KLHL7: variants seen among roughly 807,000 people sequenced by gnomAD.
KLHL7 encodes the protein kelch-like protein 7.
In KLHL7, 44 loss-of-function variants were observed where a neutral mutation model predicts 67.4. The ratio of observed to expected loss-of-function variants is 0.65; its 90% CI spans 0.51 to 0.84. KLHL7 has a LOEUF of 0.84. KLHL7 is among the 40% of genes least tolerant of loss of function. The probability of loss-of-function intolerance (pLI) is 0.00; values close to 1 mark genes in which losing one functional copy is unlikely to be tolerated. For synonymous variants in KLHL7, 252 were observed against 243.3 expected (o/e 1.04, Z -0.33); for missense variants, 362 against 718.1 (o/e 0.50, Z 5.67).
chr7:23,135,273 A>G (rs1035609552), intron 4 of KLHL7, among the ~76,000 whole-genome samples: 12 of 152,112 alleles, frequency 7.9e-5, no homozygotes, highest in African/African-American at 2.7e-4. Flanking sequence ...ATCTAGTTTT[A>G]TTCCATTGTG....
chr7:23,175,051 T>C lies in KLHL7; in HGVS notation c.*753T>C, dbSNP rs1187089638. On this transcript the variant is annotated 3_prime_UTR_variant, in exon 11 of 11. Coordinates refer to ENST00000339077, the MANE Select transcript of KLHL7 (RefSeq NM_001031710.3). ...GTCCTCACTGTTAAATAAAACCCAA[T>C]CATAGTAAGTGATTAACTAGCAAAA... 2.2e-6 allele frequency: 1 copy of C among 453,420 alleles called. No individual in the cohort carries two copies. The highest frequency in any genetic ancestry group is 2.0e-5 in the African/African-American group (1 of 49,970). 28.1% of individuals were successfully genotyped at this position (453,420 alleles called of 1,614,324 possible). A position where few individuals can be genotyped will look rare whatever the true frequency, so the allele number is the denominator to read the frequency against.
At chr7:23,117,081 C>CTTTTTTTTTTTTTTTTTTTT (rs34692665) in intron 1 of KLHL7, among the ~76,000 whole-genome samples, 5 of 68,226 alleles carry the variant, frequency 7.3e-5, no homozygotes, top group East Asian at 4.2e-4. Context: ...AGAGCCAGGC[C>CTTTTTTTTTTTTTTTTTTTT]TTTTTTTTTT....
rs148422679 is a variant in KLHL7, at chr7:23,144,555, T to C, written c.793+530T>C. The stretch of plus-strand genomic sequence containing the variant: ...TGCCTTGTAGAACCTTTCTTCTGCC[T>C]ATTCCAATATGAACTGTTTGCTCTC... On this transcript the variant is annotated intron_variant, in intron 6 of 10. Coordinates refer to ENST00000339077, the MANE Select transcript of KLHL7 (RefSeq NM_001031710.3). Among the ~76,000 whole-genome samples the C allele has an allele frequency of 6.9e-3, 1,054 of 152,360 alleles. 50 individuals carry two copies. The highest frequency in any genetic ancestry group is 0.066 in the Admixed American group (1,015 of 15,304).
chr7:23,173,941 A>G (rs2128470585), intron 10 of KLHL7, 74 bp from the exon 11 acceptor site: 2 of 1,449,424 alleles, frequency 1.4e-6, no homozygotes, highest in East Asian at 2.3e-5. Context: ...AAAAATACAA[A>G]AAGTTATTAC....
At chr7:23,161,606 C>T (rs1484446503) in intron 7 of KLHL7, among the ~76,000 whole-genome samples, 1 of 152,214 alleles carries the variant, frequency 6.6e-6, no homozygotes. Context: ...ACCCCAGGAA[C>T]TGCCGGCTGG....
chr7:23,135,278 A>G lies in KLHL7; in HGVS notation c.443-5491A>G, dbSNP rs1327368532. Among the ~76,000 whole-genome samples the G allele has an allele frequency of 2.0e-5, 3 of 152,142 alleles. No individual in the cohort carries two copies. The East Asian group carries it at 5.8e-4, about 29-fold the overall frequency. ...TGTTATTAATATCTAGTTTTATTCC[A>G]TTGTGGTCAGGGGAGATGCTTGATA... On this transcript the variant is annotated intron_variant, in intron 4 of 10. Transcript: ENST00000339077.
At chr7:23,162,679 T>C (rs6461699) in intron 7 of KLHL7, among the ~76,000 whole-genome samples, 141,510 of 152,274 alleles carry the variant, frequency 0.93, 65,889 homozygotes, top group East Asian at 0.99. Flanking sequence ...TCTCATGAAA[T>C]TACTTCTAGG....
intron 3 of KLHL7, 32 bp from the exon 4 acceptor site, chr7:23,125,016 G>A (rs758094788): frequency 1.9e-6 from 3 of 1,587,502 alleles, no homozygotes; most frequent in Admixed American, 3.3e-5. Context: ...AAAAATCATG[G>A]GTAACTAATA....
intron 7 of KLHL7, among the ~76,000 whole-genome samples, chr7:23,162,388 T>A (rs1784877217): frequency 6.6e-6 from 1 of 152,238 alleles, no homozygotes; most frequent in South Asian, 2.1e-4. Context: ...AAGTACTCAA[T>A]AACTAATAAA....
rs1405123632 is a variant in KLHL7 at position 23,133,412 on chromosome 7, CTTATT to C, written c.443-7345_443-7341del. On this transcript the variant is annotated intron_variant, in intron 4 of 10. Coordinates refer to ENST00000339077, the MANE Select transcript of KLHL7 (RefSeq NM_001031710.3). Reference sequence around the variant, plus strand: ...TGTGTGGCTATTGTAAATGGGGCTACTTATTTTATTTTATTTATTTTATTTTTATA... The same window carrying C: ...TGTGTGGCTATTGTAAATGGGGCTACTTATTTTATTTATTTTATTTTTATA... 1.1e-4 allele frequency among the ~76,000 whole-genome samples: 17 copies of C among 151,756 alleles called. No individual in the cohort carries two copies. In the East Asian group the frequency reaches 2.3e-3, roughly 21 times the overall value.
chr7:23,139,235 A>G (rs1784095693), intron 4 of KLHL7, among the ~76,000 whole-genome samples: 1 of 152,172 alleles, frequency 6.6e-6, no homozygotes, highest in Non-Finnish European at 1.5e-5. Context: ...AAAAAAATGA[A>G]GTTTATTTTA....
chr7:23,137,824 C>T (rs561538617), intron 4 of KLHL7, among the ~76,000 whole-genome samples: 2 of 126,888 alleles, frequency 1.6e-5, no homozygotes, highest in Admixed American at 1.0e-4. Context: ...CACGGTGACT[C>T]CTAAAATGCT....
At chr7:23,121,469 TA>T (rs1783336256) in intron 1 of KLHL7, among the ~76,000 whole-genome samples, 1 of 111,390 alleles carries the variant, frequency 9.0e-6, no homozygotes, top group East Asian at 2.3e-4. Flanking sequence ...CTAATTTTTG[TA>T]TTTTTTTTTT....
At chr7:23,149,593 C>A (rs1784468827) in intron 6 of KLHL7, among the ~76,000 whole-genome samples, 1 of 152,228 alleles carries the variant, frequency 6.6e-6, no homozygotes, top group South Asian at 2.1e-4. Flanking sequence ...TTTCAACACA[C>A]TTCCAGATGA....
intron 7 of KLHL7, among the ~76,000 whole-genome samples, chr7:23,159,656 T>C (rs1292457840): frequency 6.6e-6 from 1 of 152,138 alleles, no homozygotes; most frequent in South Asian, 2.1e-4. Flanking sequence ...CTCAGCCTCC[T>C]GAGTAGTTGG....
intron 9 of KLHL7, among the ~76,000 whole-genome samples, chr7:23,168,416 G>A (rs1785063976): frequency 6.6e-6 from 1 of 152,162 alleles, no homozygotes; most frequent in Non-Finnish European, 1.5e-5. Flanking sequence ...ATTAGATATT[G>A]GCTCATGGCA....
chr7:23,155,261 C>T (rs557619962), intron 7 of KLHL7, among the ~76,000 whole-genome samples: 23 of 151,934 alleles, frequency 1.5e-4, no homozygotes, highest in South Asian at 4.2e-4. Flanking sequence ...GTGAGGACAC[C>T]GGCAATGGCT....
chr7:23,106,190 CG>C, intron 1 of KLHL7, 44 bp downstream of exon 1: 2 of 1,597,452 alleles, frequency 1.3e-6, no homozygotes, highest in Non-Finnish European at 1.7e-6. Flanking sequence ...GGAGGTGGTC[CG>C]GGGCTCGGGC....
intron 1 of KLHL7, among the ~76,000 whole-genome samples, chr7:23,113,552 C>T (rs888082584): frequency 3.3e-5 from 5 of 152,166 alleles, no homozygotes; most frequent in East Asian, 1.9e-4. Flanking sequence ...GGAGCCAGGC[C>T]GGGCACAGTG....
Sources: gnomAD v4.1 joint callset for allele counts (sites outside exome capture counted in the v4.1 genomes callset) on GRCh38, gnomAD v4.1.1 for gene constraint, MANE v1.5 for transcripts, NCBI Gene and HGNC (gene_info 2026-07-23, HGNC 2026-07-21) for gene names.